SLC25A46: variants seen among roughly 807,000 people sequenced by gnomAD.
SLC25A46 encodes the protein solute carrier family 25 member 46.
SLC25A46 carries 39 observed loss-of-function variants against 44.6 expected under a neutral mutation model. The ratio of observed to expected loss-of-function variants is 0.87; its 90% confidence interval spans 0.68 to 1.14. The LOEUF (loss-of-function observed/expected upper bound fraction) is 1.14, where lower values mean the gene tolerates loss of function less well. SLC25A46 is among the 50% of genes most tolerant of loss of function. SLC25A46 has a pLI of 0.00. For synonymous variants in SLC25A46, 202 were observed against 185.8 expected, an observed-to-expected ratio of 1.09 and a Z score of -0.71; for missense variants, 547 against 522.7, an observed-to-expected ratio of 1.05 and a Z score of -0.45.
chr5:110,738,183 T>C (rs1458431736), upstream of SLC25A46: 9 of 1,273,378 alleles, frequency 7.1e-6, no homozygotes, highest in Non-Finnish European at 8.2e-6. Context: ...GATGAAACCA[T>C]GGAAGTCTTC....
In SLC25A46 at chr5:110,763,233, AT is replaced by A. The variant is rs1204108552; in HGVS notation, c.*1452del. 6.6e-6 allele frequency: 1 copy of A among 151,942 alleles called. No homozygotes were observed. Among genetic ancestry groups the A allele is most frequent in the Non-Finnish European group, 1.5e-5 (1 of 67,894 alleles). 9.4% of individuals were successfully genotyped at this position (151,942 alleles called of 1,614,324 possible). A position where few individuals can be genotyped will look rare whatever the true frequency, so the allele number is the denominator to read the frequency against. On this transcript the variant is annotated 3_prime_UTR_variant, in exon 8 of 8. Transcript: ENST00000355943. ...TCTGAAGCACAGTGACTTTGCACTG[AT>A]ATTGTCCAACCAAGAATGCATACGA...
At chr5:110,746,414 G>C in intron 4 of SLC25A46, 68 bp downstream of exon 4, 1 of 1,063,158 alleles carries the variant, frequency 9.4e-7, no homozygotes, top group Non-Finnish European at 1.4e-6. Context: ...AATCATTAAA[G>C]CAAGAATAAT....
At chr5:110,745,177 C>T (rs188399766) in intron 3 of SLC25A46, among the ~76,000 whole-genome samples, 1 of 152,190 alleles carries the variant, frequency 6.6e-6, no homozygotes, top group Non-Finnish European at 1.5e-5. Flanking sequence ...TAATTTTGAA[C>T]TTGTCAAGCC....
chr5:110,759,773 TTGAC>T (rs1320965394), intron 7 of SLC25A46, among the ~76,000 whole-genome samples: 2 of 152,118 alleles, frequency 1.3e-5, no homozygotes, highest in Admixed American at 1.3e-4. Flanking sequence ...TAGGATCTCT[TTGAC>T]TGTTGCATTA....
intron 1 of SLC25A46, chr5:110,741,732 T>C: frequency 5.0e-6 from 1 of 198,382 alleles, no homozygotes. Flanking sequence ...TTATATAAAA[T>C]GAGAATATCT....
intron 3 of SLC25A46, chr5:110,745,909 A>G (rs1180519289): frequency 6.2e-6 from 1 of 162,354 alleles, no homozygotes; most frequent in East Asian, 1.8e-4. Context: ...TTGATTTCAT[A>G]TACCAGTCAG....
chr5:110,741,293 T>C (rs1333140084), intron 1 of SLC25A46, among the ~76,000 whole-genome samples: 2 of 152,210 alleles, frequency 1.3e-5, no homozygotes, highest in African/African-American at 4.8e-5. Flanking sequence ...GCTGTGAACT[T>C]TTCCAGTAAC....
At chr5:110,746,579 A>G (rs147404304) in intron 4 of SLC25A46, among the ~76,000 whole-genome samples, 1 of 152,232 alleles carries the variant, frequency 6.6e-6, no homozygotes, top group African/African-American at 2.4e-5. Flanking sequence ...TGTCTCTGCT[A>G]TCAAGAGGCT....
chr5:110,748,454 C>A lies in SLC25A46; in HGVS notation c.563+191C>A, dbSNP rs565841752. The stretch of plus-strand genomic sequence containing the variant: ...CCAATAGGTAGCTTTCAACCCTTGT[C>A]CCCATCCCTCCCCTATTATATTGTT... On this transcript the variant is annotated intron_variant, in intron 5 of 7. Transcript: ENST00000355943. 3.4e-3 allele frequency among the ~76,000 whole-genome samples: 513 copies of A among 152,130 alleles called. 3 individuals are homozygous for A. The highest frequency in any genetic ancestry group is 0.012 in the African/African-American group (489 of 41,510).
At position 110,761,203 on chromosome 5, in the gene SLC25A46, G is replaced by C; in HGVS notation, c.679-1G>C. ...TACTTATTTCATCATTTTTATTTCA[G>C]AGTGAGATAATTCGAGATAATACTG... On this transcript the variant is annotated splice_acceptor_variant, in intron 7 of 7. Coordinates refer to ENST00000355943, the MANE Select transcript of SLC25A46 (RefSeq NM_138773.4). LOFTEE classifies it high-confidence loss of function. This position sits in a 1 kb window ranked among gnomAD's most constrained non-coding sequence, Gnocchi z 5.3. 6.3e-7 allele frequency: 1 copy of C among 1,582,020 alleles called. No homozygotes were observed. The highest frequency in any genetic ancestry group is 8.6e-7 in the Non-Finnish European group (1 of 1,165,686).
intron 5 of SLC25A46, chr5:110,754,415 C>G (rs920570162): frequency 3.6e-5 from 5 of 139,586 alleles, no homozygotes; most frequent in African/African-American, 1.3e-4. Flanking sequence ...TTTTTTTTAC[C>G]CTCTATAATC....
intron 4 of SLC25A46, among the ~76,000 whole-genome samples, chr5:110,747,012 G>A (rs1799838293): frequency 6.6e-6 from 1 of 152,154 alleles, no homozygotes; most frequent in Non-Finnish European, 1.5e-5. Context: ...AGCTACAAGA[G>A]TACTGTTGAA....
chr5:110,761,295 G>T lies in SLC25A46; in HGVS notation c.770G>T (p.Arg257Leu). Residue 257 changes from arginine (R) to leucine (L), a missense_variant, in exon 8 of 8, where the codon CGA (arginine) becomes CTA (leucine). By Grantham distance (102) the Arg-to-Leu change is moderately radical. Coordinates refer to ENST00000355943, the MANE Select transcript of SLC25A46 (RefSeq NM_138773.4). This position sits in a 1 kb window ranked among gnomAD's most constrained non-coding sequence, Gnocchi z 5.3. Reference sequence around the variant, plus strand: ...GGCATGGGAGTGCCTCATAGCAAACGACTTCTTCCGCTTCTTTCCTTGATC... The same window carrying T: ...GGCATGGGAGTGCCTCATAGCAAACTACTTCTTCCGCTTCTTTCCTTGATC... The part of the protein sequence containing the change: ...VIGMGVPHSK[R>L]LLPLLSLIFP... The T allele has an allele frequency of 1.2e-6, 2 of 1,613,642 alleles. No homozygotes were observed. Among genetic ancestry groups the T allele is most frequent in the South Asian group, 1.1e-5 (1 of 91,052 alleles).
rs779778869 is a variant in SLC25A46, at chr5:110,761,471, GAACTTATTGCT to G, written c.952_962del (p.Ile318CysfsTer7). 1 of 1,613,792 alleles carries G rather than the reference GAACTTATTGCT, an allele frequency of 6.2e-7. No individual in the cohort carries two copies. Among genetic ancestry groups the G allele is most frequent in the Non-Finnish European group, 8.5e-7 (1 of 1,179,822 alleles). On this transcript the variant is annotated frameshift_variant, in exon 8 of 8. Transcript: ENST00000355943. LOFTEE classifies it high-confidence loss of function. This position sits in a 1 kb window ranked among gnomAD's most constrained non-coding sequence, Gnocchi z 5.3. ...GAGTATGTTGGATGCTTATTTTCCA[GAACTTATTGCT>G]AACTTTGCTGCCAGTCTTTGTTCTG...
In SLC25A46 at chr5:110,746,463, A is replaced by G. The variant is rs1050796194; in HGVS notation, c.462+117A>G. 2 of 643,530 alleles carry G rather than the reference A, an allele frequency of 3.1e-6. No homozygotes were observed. Among genetic ancestry groups the G allele is most frequent in the Non-Finnish European group, 2.7e-6 (1 of 373,834 alleles). 39.9% of individuals were successfully genotyped at this position (643,530 alleles called of 1,614,324 possible). A position where few individuals can be genotyped will look rare whatever the true frequency, so the allele number is the denominator to read the frequency against. ...GTCAATAAAACATCTTAACTGTTGT[A>G]GTAAAACTAAAGTAGCACAACGATA... On this transcript the variant is annotated intron_variant, in intron 4 of 7. Coordinates refer to ENST00000355943, the MANE Select transcript of SLC25A46 (RefSeq NM_138773.4).
At position 110,742,052 on chromosome 5, in the gene SLC25A46, C is replaced by A. The variant is rs1799705179; in HGVS notation, c.289C>A (p.Leu97Met). The A allele has an allele frequency of 6.4e-7, 1 of 1,570,042 alleles. No individual in the cohort carries two copies. Among genetic ancestry groups the A allele is most frequent in the Non-Finnish European group, 8.7e-7 (1 of 1,154,088 alleles). ...TCTATTTTTTTTTACTTTAGAACAG[C>A]TGAATAGATTTGCTGGATTTGGTAT... ...GSVQGQSSEQ[L>M]NRFAGFGIGL... The change falls in exon 2 of 8, where the codon CTG becomes ATG. Residue 97 changes from leucine (L) to methionine (M), a missense_variant. Physicochemically the swap from Leu to Met is conservative, Grantham distance 15 (BLOSUM62 2). Coordinates refer to ENST00000355943, the MANE Select transcript of SLC25A46 (RefSeq NM_138773.4).
At position 110,739,215 on chromosome 5, in the gene SLC25A46, C is replaced by T. The variant is rs767703868; in HGVS notation, c.96C>T (p.Ser32=). 1.8e-5 allele frequency: 28 copies of T among 1,571,652 alleles called. 1 individual carries two copies. In the South Asian group the frequency reaches 2.3e-4, roughly 13 times the overall value. The change falls in exon 1 of 8, where the codon TCC becomes TCT. Residue 32 remains serine, a synonymous_variant. Transcript: ENST00000355943. Reference sequence around the variant, plus strand: ...TTGGCGGCGCCTTCCCTGCAAGGTCCTTCAGCACCGGGTCGGACCTGGGCC... The same window carrying T: ...TTGGCGGCGCCTTCCCTGCAAGGTCTTTCAGCACCGGGTCGGACCTGGGCC... The part of the protein sequence containing the change: ...QGFGGAFPAR[S]FSTGSDLGHW...
intron 5 of SLC25A46, among the ~76,000 whole-genome samples, chr5:110,752,782 A>T (rs556040709): frequency 6.6e-6 from 1 of 152,306 alleles, no homozygotes; most frequent in Admixed American, 6.5e-5. Flanking sequence ...GTCTGTAGGC[A>T]CATGATATGG....
At chr5:110,739,552 G>A in intron 1 of SLC25A46, 150 bp downstream of exon 1, 1 of 1,101,196 alleles carries the variant, frequency 9.1e-7, no homozygotes, top group South Asian at 1.7e-5. Flanking sequence ...TTGGTCCTCT[G>A]CCCCTGAGGC....
Sources: gnomAD v4.1 joint callset for allele counts (sites outside exome capture counted in the v4.1 genomes callset) on GRCh38, gnomAD v4.1.1 for gene constraint, Gnocchi (gnomAD v3.1) non-coding constraint, MANE v1.5 for transcripts, NCBI Gene and HGNC (gene_info 2026-07-23, HGNC 2026-07-21) for gene names.